Variants in CEP162 observed in about 807,000 individuals in gnomAD.
CEP162 encodes the protein centrosomal protein 162.
Under a neutral mutation model 169.2 loss-of-function variants are expected in CEP162, and 141 were observed. That is an observed-to-expected ratio of 0.83 (90% CI 0.73 to 0.96). The LOEUF (loss-of-function observed/expected upper bound fraction) is 0.96. Among genes scored for constraint, CEP162 ranks in the 40% least tolerant of loss-of-function variants. The pLI, the probability that CEP162 is intolerant of heterozygous loss-of-function variation, is 0.00. For synonymous variants in CEP162, 540 were observed against 526.4 expected, an observed-to-expected ratio of 1.03 and a Z score of -0.35; for missense variants, 1,600 against 1,587.2, an observed-to-expected ratio of 1.01 and a Z score of -0.14.
At position 84,125,067 on chromosome 6, in the gene CEP162, C is replaced by A. The variant is rs758196603; in HGVS notation, c.*3G>T. 1.1e-5 allele frequency: 17 copies of A among 1,608,226 alleles called. No individual in the cohort carries two copies. The highest frequency in any genetic ancestry group is 1.6e-4 in the Middle Eastern group (1 of 6,070). ...TAAGGTCATTATGAAATCTGAATTT[C>A]TATTAATACTCTGGTGCATTCATTT... On this transcript the variant is annotated 3_prime_UTR_variant, in exon 27 of 27. Transcript: ENST00000403245.
intron 10 of CEP162, 65 bp downstream of exon 10, chr6:84,194,819 T>C: frequency 8.6e-7 from 1 of 1,169,140 alleles, no homozygotes; most frequent in South Asian, 1.4e-5. Context: ...ATTTTAATTA[T>C]ATTACACTAA....
chr6:84,163,723 T>C (rs1437560689), intron 18 of CEP162, among the ~76,000 whole-genome samples: 3 of 151,940 alleles, frequency 2.0e-5, no homozygotes, highest in Non-Finnish European at 4.4e-5. Flanking sequence ...CTCAGTACTT[T>C]GGGAGGCCAA....
chr6:84,184,162 A>G (rs937001243), intron 13 of CEP162, among the ~76,000 whole-genome samples: 1 of 152,096 alleles, frequency 6.6e-6, no homozygotes, highest in Non-Finnish European at 1.5e-5. Flanking sequence ...CTACTCAAAA[A>G]CATTGCTAAA....
rs1421924569 is a variant in CEP162, at chr6:84,186,505, C to A, written c.1228G>T (p.Asp410Tyr). The change falls in exon 12 of 27, where the codon GAT (aspartate) becomes TAT (tyrosine). Residue 410 changes from aspartate to tyrosine, a missense_variant. Transcript: ENST00000403245. ...QHVNLFFDKNDENVILQKTTN... is the reference protein window; with the variant it reads ...QHVNLFFDKNYENVILQKTTN... ...GTCTTTTGTAAAATCACATTCTCAT[C>A]ATTTTTGTCAAAAAAAAGGTTCACA... 2.5e-6 allele frequency: 4 copies of A among 1,613,242 alleles called. No homozygotes were observed. The highest frequency in any genetic ancestry group is 3.4e-6 in the Non-Finnish European group (4 of 1,179,470).
At chr6:84,206,376 A>G (rs2099547046) in intron 6 of CEP162, among the ~76,000 whole-genome samples, 1 of 152,262 alleles carries the variant, frequency 6.6e-6, no homozygotes, top group South Asian at 2.1e-4. Flanking sequence ...ACAGAGATGT[A>G]GACCAATGGA....
intron 3 of CEP162, chr6:84,219,194 C>T: frequency 1.6e-6 from 2 of 1,279,488 alleles, no homozygotes; most frequent in Non-Finnish European, 2.1e-6. Context: ...GGAATCACGT[C>T]TTGCCTTTTC....
intron 24 of CEP162, among the ~76,000 whole-genome samples, chr6:84,147,229 G>GCT (rs780532895): frequency 6.6e-6 from 1 of 152,042 alleles, no homozygotes; most frequent in Non-Finnish European, 1.5e-5. Context: ...AGTGAAGTAA[G>GCT]CTAGGCACAG....
intron 11 of CEP162, among the ~76,000 whole-genome samples, chr6:84,187,262 C>T (rs970836267): frequency 6.6e-6 from 1 of 151,934 alleles, no homozygotes; most frequent in Non-Finnish European, 1.5e-5. Context: ...GTTTTAAATG[C>T]GGTTAAATAT....
At position 84,161,838 on chromosome 6, in the gene CEP162, ATC is replaced by A; in HGVS notation, c.2582_2583del (p.Arg861IlefsTer6). 1 of 1,594,632 alleles carries A rather than the reference ATC, an allele frequency of 6.3e-7. No homozygotes were observed. Among genetic ancestry groups the A allele is most frequent in the Non-Finnish European group, 8.6e-7 (1 of 1,167,984 alleles). The part of the protein sequence containing the change: ...HKQEISRLQK[R>X]LQWYAENQEL... Reference sequence around the variant, plus strand: ...TCCTGATTTTCAGCATACCACTGTAATCTTTTTTGCAGACGACTGATTTCTTG... The same window carrying A: ...TCCTGATTTTCAGCATACCACTGTAATTTTTTGCAGACGACTGATTTCTTG... On this transcript the variant is annotated frameshift_variant, in exon 20 of 27. Coordinates refer to ENST00000403245, the MANE Select transcript of CEP162 (RefSeq NM_014895.4). LOFTEE classifies it high-confidence loss of function.
chr6:84,215,378 G>A lies in CEP162; in HGVS notation c.407C>T (p.Ala136Val), dbSNP rs746476700. 1.2e-6 allele frequency: 2 copies of A among 1,607,004 alleles called. No individual in the cohort carries two copies. The highest frequency in any genetic ancestry group is 1.7e-6 in the Non-Finnish European group (2 of 1,175,884). The change falls in exon 5 of 27, where the codon GCC (alanine) becomes GTC (valine). Residue 136 changes from alanine to valine, a missense_variant. Transcript: ENST00000403245. ...AGATGTCAAGCCTTTCTCAAGCCTG[G>A]CAAAAAATTGTTCTTTCTCCTCTTG... ...EEQEEKEQFF[A>V]RLEKGLTSSI... is the part of the protein sequence containing the mutation.
chr6:84,206,449 G>T (rs926362087), intron 6 of CEP162, among the ~76,000 whole-genome samples: 1 of 152,086 alleles, frequency 6.6e-6, no homozygotes, highest in Non-Finnish European at 1.5e-5. Flanking sequence ...TGACAAACCT[G>T]ACAAAAATAA....
chr6:84,211,076 T>TA (rs1317843106), intron 6 of CEP162, among the ~76,000 whole-genome samples: 1 of 151,794 alleles, frequency 6.6e-6, no homozygotes, highest in African/African-American at 2.4e-5. Flanking sequence ...CGAAACTAAA[T>TA]AGCCAACAGA....
At chr6:84,139,858 G>A (rs1231742471) in intron 25 of CEP162, among the ~76,000 whole-genome samples, 1 of 151,232 alleles carries the variant, frequency 6.6e-6, no homozygotes, top group Admixed American at 6.6e-5. Context: ...TGCATCATTT[G>A]TTGTGAGAAG....
At chr6:84,188,823 T>G (rs903543854) in intron 11 of CEP162, among the ~76,000 whole-genome samples, 1 of 152,242 alleles carries the variant, frequency 6.6e-6, no homozygotes, top group African/African-American at 2.4e-5. Context: ...CTTTCCACAA[T>G]GGCTGAACTA....
intron 2 of CEP162, among the ~76,000 whole-genome samples, chr6:84,223,767 C>T (rs377665484): frequency 1.3e-5 from 2 of 151,674 alleles, no homozygotes; most frequent in South Asian, 2.1e-4. Context: ...ATTAGCTGGG[C>T]GTGGTGGCAG....
chr6:84,225,716 C>T (rs1156772438), intron 2 of CEP162, among the ~76,000 whole-genome samples: 1 of 146,746 alleles, frequency 6.8e-6, no homozygotes, highest in African/African-American at 2.7e-5. Context: ...AATTAATGTG[C>T]TAAGTGCTAT....
chr6:84,154,495 C>A (rs776806866), intron 22 of CEP162, among the ~76,000 whole-genome samples: 1 of 152,068 alleles, frequency 6.6e-6, no homozygotes, highest in East Asian at 1.9e-4. Flanking sequence ...TATCAACCTT[C>A]TACTGTTTCT....
chr6:84,186,743 A>T (rs1316429296), intron 11 of CEP162, 120 bp from the exon 12 acceptor site: 15 of 770,280 alleles, frequency 1.9e-5, no homozygotes, highest in Non-Finnish European at 3.0e-5. Flanking sequence ...TAACTATTCA[A>T]ATTAAGTTAA....
At chr6:84,193,571 A>C in intron 11 of CEP162, 38 bp downstream of exon 11, 1 of 1,274,910 alleles carries the variant, frequency 7.8e-7, no homozygotes, top group Non-Finnish European at 1.1e-6. Context: ...TGACTATAAA[A>C]GTTTCCAATG....
Sources: gnomAD v4.1 joint callset for allele counts (sites outside exome capture counted in the v4.1 genomes callset) on GRCh38, gnomAD v4.1.1 for gene constraint, MANE v1.5 for transcripts, NCBI Gene and HGNC (gene_info 2026-07-23, HGNC 2026-07-21) for gene names.